The following CDH12 variants were observed in gnomAD, a reference collection of about 807,000 sequenced individuals.
CDH12 encodes the protein cadherin 12.
Under a neutral mutation model 74.1 loss-of-function variants are expected in CDH12, and 41 were observed. The observed-to-expected ratio is 0.55, with a 90% CI of 0.43 to 0.72. CDH12 has a LOEUF of 0.72. CDH12 is among the 30% of genes least tolerant of loss of function. The pLI is 0.00. For synonymous variants in CDH12, 399 were observed against 355.0 expected, an observed-to-expected ratio of 1.12 and a Z score of -1.39; for missense variants, 945 against 977.2, an observed-to-expected ratio of 0.97 and a Z score of 0.44.
At chr5:22,181,179 C>T (rs928988272) in intron 4 of CDH12, among the ~76,000 whole-genome samples, 2 of 152,104 alleles carry the variant, frequency 1.3e-5, no homozygotes, top group Non-Finnish European at 2.9e-5. Flanking sequence ...GCTCTAATTT[C>T]CCTTCAAATT....
chr5:22,023,439 G>A (rs56993153), intron 5 of CDH12, among the ~76,000 whole-genome samples: 53,517 of 151,826 alleles, frequency 0.35, 12,308 homozygotes, highest in African/African-American at 0.66. Flanking sequence ...TATGTATCCT[G>A]TGATGACAAT....
At chr5:21,912,512 G>C (rs1753901733) in intron 6 of CDH12, among the ~76,000 whole-genome samples, 1 of 152,112 alleles carries the variant, frequency 6.6e-6, no homozygotes, top group African/African-American at 2.4e-5. Flanking sequence ...AGCCACTAAG[G>C]AGAGGTTTGC....
chr5:22,181,491 A>C (rs1273380795), intron 4 of CDH12, among the ~76,000 whole-genome samples: 2 of 152,110 alleles, frequency 1.3e-5, no homozygotes, highest in African/African-American at 4.8e-5. Context: ...CTCTCCCTAC[A>C]TAAGCACATT....
intron 5 of CDH12, among the ~76,000 whole-genome samples, chr5:21,999,212 C>T (rs926585478): frequency 1.3e-5 from 2 of 152,088 alleles, no homozygotes; most frequent in African/African-American, 2.4e-5. Flanking sequence ...ACATATTATT[C>T]ATCATGAGAG....
intron 3 of CDH12, among the ~76,000 whole-genome samples, chr5:22,266,038 ATTATTTAT>A (rs143229137): frequency 0.28 from 39,839 of 140,778 alleles, 6,153 homozygotes; most frequent in African/African-American, 0.43. Context: ...AGCTTTGTTG[ATTATTTAT>A]TTATTTATTT....
intron 5 of CDH12, among the ~76,000 whole-genome samples, chr5:21,990,934 GAAA>G (rs200693502): frequency 7.9e-6 from 1 of 126,604 alleles, no homozygotes; most frequent in African/African-American, 2.7e-5. Flanking sequence ...GCCATTAACA[GAAA>G]AAAAAAAAAA....
rs114166703 is a variant in CDH12, at chr5:21,939,898, T to A, written c.526+35193A>T. On this transcript the variant is annotated intron_variant, in intron 6 of 14. Transcript: ENST00000382254. ...AAAAGATATTCAAAAAGTGGTTTTT[T>A]GTGCGTACTGATGATAAACACTAAT... Among the ~76,000 whole-genome samples the A allele has an allele frequency of 7.8e-3, 1,184 of 152,200 alleles. 13 individuals carry two copies. The highest frequency in any genetic ancestry group is 0.026 in the African/African-American group (1,099 of 41,550).
intron 5 of CDH12, among the ~76,000 whole-genome samples, chr5:22,012,654 C>T (rs953747367): frequency 4.0e-5 from 6 of 151,484 alleles, no homozygotes; most frequent in African/African-American, 1.5e-4. Context: ...ATGATATTTA[C>T]TTGGTTGAGT....
At chr5:21,995,290 T>A (rs1032980557) in intron 5 of CDH12, among the ~76,000 whole-genome samples, 5 of 151,620 alleles carry the variant, frequency 3.3e-5, no homozygotes, top group African/African-American at 1.2e-4. Context: ...GCTGTTGATC[T>A]AGTGTGTAGT....
intron 1 of CDH12, among the ~76,000 whole-genome samples, chr5:22,745,898 T>C (rs897792169): frequency 2.6e-5 from 4 of 152,086 alleles, no homozygotes; most frequent in African/African-American, 9.7e-5. Context: ...CCTGCACGTG[T>C]ACCCCAGAAG....
chr5:22,307,717 A>G (rs939697363), intron 3 of CDH12, among the ~76,000 whole-genome samples: 7 of 151,952 alleles, frequency 4.6e-5, no homozygotes, highest in Non-Finnish European at 8.8e-5. Context: ...GTCTTCTTGC[A>G]TATTAATTTT....
intron 1 of CDH12, among the ~76,000 whole-genome samples, chr5:22,798,140 T>G (rs1384071641): frequency 6.6e-6 from 1 of 152,178 alleles, no homozygotes; most frequent in Non-Finnish European, 1.5e-5. Flanking sequence ...TCCCACAGGT[T>G]GTCCTCAGTC....
chr5:21,874,389 T>C (rs1219481103), intron 6 of CDH12, among the ~76,000 whole-genome samples: 1 of 152,144 alleles, frequency 6.6e-6, no homozygotes, highest in Non-Finnish European at 1.5e-5. Flanking sequence ...CGCATCCACC[T>C]TTAAACACGG....
intron 3 of CDH12, among the ~76,000 whole-genome samples, chr5:22,305,502 G>C (rs1291660236): frequency 2.6e-5 from 4 of 152,126 alleles, no homozygotes; most frequent in African/African-American, 9.7e-5. Context: ...GCTCCATGAA[G>C]CCACAGACAA....
intron 3 of CDH12, among the ~76,000 whole-genome samples, chr5:22,332,368 C>A (rs1488192142): frequency 6.6e-6 from 1 of 152,018 alleles, no homozygotes; most frequent in Admixed American, 6.6e-5. Flanking sequence ...ATTTAAAGTG[C>A]AGAAGAAATA....
rs553634738 is a variant in CDH12 at position 22,840,580 on chromosome 5, T to C, written c.-523+12478A>G. Among the ~76,000 whole-genome samples the C allele has an allele frequency of 2.0e-4, 30 of 151,516 alleles. No individual in the cohort carries two copies. In the East Asian group the frequency reaches 5.2e-3, roughly 26 times the overall value. On this transcript the variant is annotated intron_variant, in intron 1 of 14. Transcript: ENST00000382254. ...TATACATATAATCTGTTTACAGATA[T>C]ATAGCAAACACTTACTATATGTTAG...
intron 1 of CDH12, among the ~76,000 whole-genome samples, chr5:22,847,876 T>TTTTC (rs144067529): frequency 2.0e-5 from 3 of 151,840 alleles, no homozygotes; most frequent in Non-Finnish European, 2.9e-5. Context: ...TATTCTTTTT[T>TTTTC]TTTCTTTCTT....
chr5:22,825,281 A>AT (rs1736247420), intron 1 of CDH12, among the ~76,000 whole-genome samples: 2 of 146,464 alleles, frequency 1.4e-5, no homozygotes, highest in South Asian at 4.4e-4. Flanking sequence ...CACATATATA[A>AT]TTTTTTAGAA....
chr5:22,327,824 T>C (rs1028953142), intron 3 of CDH12, among the ~76,000 whole-genome samples: 1 of 152,300 alleles, frequency 6.6e-6, no homozygotes, highest in Middle Eastern at 3.4e-3. Flanking sequence ...TAAACAAAAT[T>C]ACCTTGTCCT....
Sources: gnomAD v4.1 joint callset for allele counts (sites outside exome capture counted in the v4.1 genomes callset) on GRCh38, gnomAD v4.1.1 for gene constraint, MANE v1.5 for transcripts, NCBI Gene and HGNC (gene_info 2026-07-23, HGNC 2026-07-21) for gene names.